Variants in FAM13B observed in about 807,000 individuals in gnomAD.
FAM13B encodes family with sequence similarity 13 member B, also known as protein FAM13B.
A neutral mutation model predicts 117.3 loss-of-function variants in FAM13B; 60 were observed. The ratio of observed to expected loss-of-function variants is 0.51; its 90% confidence interval spans 0.42 to 0.63. The LOEUF (loss-of-function observed/expected upper bound fraction) is 0.63, where lower values mean the gene tolerates loss of function less well. FAM13B is among the 30% of genes least tolerant of loss of function. FAM13B has a pLI of 0.00. For missense variants in FAM13B, 972 were observed against 1,091.9 expected, an observed-to-expected ratio of 0.89 and a Z score of 1.55; for synonymous variants, 332 against 356.1, an observed-to-expected ratio of 0.93 and a Z score of 0.76.
intron 18 of FAM13B, among the ~76,000 whole-genome samples, chr5:137,948,478 A>C (rs1764042831): frequency 6.6e-6 from 1 of 151,988 alleles, no homozygotes; most frequent in African/African-American, 2.4e-5. Flanking sequence ...CTGCAGTCCT[A>C]ATCTCCCGGG....
intron 10 of FAM13B, among the ~76,000 whole-genome samples, chr5:137,984,688 TAAC>T (rs1776707260): frequency 1.3e-5 from 2 of 152,206 alleles, no homozygotes. Flanking sequence ...GTCTTAAAAA[TAAC>T]AAAAGTCAAC....
intron 7 of FAM13B, among the ~76,000 whole-genome samples, chr5:138,000,865 G>C (rs1781050181): frequency 6.6e-6 from 1 of 150,998 alleles, no homozygotes; most frequent in African/African-American, 2.4e-5. Flanking sequence ...TGAAAGCAGA[G>C]GTTGCAGTGA....
intron 10 of FAM13B, among the ~76,000 whole-genome samples, chr5:137,965,209 G>A: frequency 6.6e-6 from 1 of 151,964 alleles, no homozygotes; most frequent in Non-Finnish European, 1.5e-5. Context: ...AATATCAGCA[G>A]GCAAAATAAC....
chr5:137,959,658 G>A lies in FAM13B; in HGVS notation c.1399C>T (p.His467Tyr), dbSNP rs575496727. 30 of 1,613,850 alleles carry A rather than the reference G, an allele frequency of 1.9e-5. No individual in the cohort carries two copies. The highest frequency in any genetic ancestry group is 2.5e-5 in the Non-Finnish European group (30 of 1,179,868). The change falls in exon 13 of 24, where the codon CAT becomes TAT. Residue 467 changes from histidine (H) to tyrosine (Y), a missense_variant. His to Tyr is a moderately conservative substitution (Grantham distance 83). Coordinates refer to ENST00000689681, the MANE Select transcript of FAM13B (RefSeq NM_001385994.1). Reference protein sequence around the residue: ...QGEAACVSIPHLDLKNVSDGD... With the variant: ...QGEAACVSIPYLDLKNVSDGD... ...TCAGAAACATTCTTCAGATCTAAAT[G>A]TGGAATACTGACACACGCTGCTTCC...
intron 1 of FAM13B, among the ~76,000 whole-genome samples, chr5:138,050,827 G>A (rs1791779955): frequency 6.6e-6 from 1 of 152,178 alleles, no homozygotes; most frequent in Non-Finnish European, 1.5e-5. Context: ...ATGATGTTGA[G>A]TCTAGACAAG....
intron 23 of FAM13B, among the ~76,000 whole-genome samples, chr5:137,941,090 G>A (rs1455003842): frequency 1.3e-5 from 2 of 151,742 alleles, no homozygotes; most frequent in Non-Finnish European, 1.5e-5. Context: ...TGTATTTTTC[G>A]GTAGAGACAG....
chr5:138,009,019 C>G (rs1165622940), intron 6 of FAM13B, among the ~76,000 whole-genome samples: 1 of 152,066 alleles, frequency 6.6e-6, no homozygotes, highest in Admixed American at 6.6e-5. Flanking sequence ...GGCATGTGCC[C>G]GTAATCCCAG....
intron 2 of FAM13B, 36 bp downstream of exon 2, chr5:138,020,993 TTA>T: frequency 8.2e-7 from 1 of 1,214,610 alleles, no homozygotes; most frequent in Non-Finnish European, 1.0e-6. Context: ...CTCTATGGAT[TTA>T]TAGAGCACGA....
chr5:138,035,431 G>A (rs189095240), upstream of FAM13B, among the ~76,000 whole-genome samples: 1 of 152,156 alleles, frequency 6.6e-6, no homozygotes, highest in African/African-American at 2.4e-5. Flanking sequence ...ATATTCTCTA[G>A]ATCCTACTTG....
intron 17 of FAM13B, among the ~76,000 whole-genome samples, chr5:137,950,337 A>G (rs1261021147): frequency 6.6e-6 from 1 of 152,196 alleles, no homozygotes; most frequent in Non-Finnish European, 1.5e-5. Flanking sequence ...GATTTAGTGG[A>G]AGGGCATCTG....
chr5:137,989,686 A>G (rs1778115740), intron 7 of FAM13B, among the ~76,000 whole-genome samples: 1 of 152,106 alleles, frequency 6.6e-6, no homozygotes, highest in South Asian at 2.1e-4. Context: ...TCAGCCAGGC[A>G]TGATGATGGT....
Position 137,939,536 on chromosome 5 carries a change from A to T in FAM13B, c.*689T>A, listed in dbSNP as rs1761051836. 1 of 156,558 alleles carries T rather than the reference A, an allele frequency of 6.4e-6. No homozygotes were observed. The highest frequency in any genetic ancestry group is 6.3e-5 in the Admixed American group (1 of 15,856). 9.7% of individuals were successfully genotyped at this position (156,558 alleles called of 1,614,324 possible). A position where few individuals can be genotyped will look rare whatever the true frequency, so the allele number is the denominator to read the frequency against. On this transcript the variant is annotated 3_prime_UTR_variant, in exon 24 of 24. Coordinates refer to ENST00000689681, the MANE Select transcript of FAM13B (RefSeq NM_001385994.1). ...GTGGTATGATTCAGTTCTGTGTGTG[A>T]TGTGTGGTGTGTGTTTTCAATATAC...
chr5:137,976,323 A>G (rs1410039467), intron 10 of FAM13B, among the ~76,000 whole-genome samples: 1 of 151,890 alleles, frequency 6.6e-6, no homozygotes, highest in Admixed American at 6.6e-5. Flanking sequence ...GCTTCTACCT[A>G]CTCACCTGAT....
intron 1 of FAM13B, among the ~76,000 whole-genome samples, chr5:138,031,146 A>C (rs1789883813): frequency 1.3e-5 from 2 of 152,208 alleles, no homozygotes; most frequent in Admixed American, 6.5e-5. Flanking sequence ...CTGATTATAA[A>C]AGCAGTTATT....
chr5:138,030,716 C>G lies in FAM13B; in HGVS notation c.-203+2066G>C, dbSNP rs181654467. 8.1e-4 allele frequency among the ~76,000 whole-genome samples: 115 copies of G among 141,664 alleles called. 2 individuals are homozygous for G. The highest frequency in any genetic ancestry group is 1.6e-3 in the Non-Finnish European group (103 of 64,890). The allele number at this position is 141,664 out of a possible 152,430, so 92.9% of individuals were successfully genotyped here. ...GCAACAAGAATGAAACTCCGTCCCC[C>G]CCCCCCAAAAAAAAAAATTGAACGT... is the stretch of plus-strand genomic sequence containing the variant. On this transcript the variant is annotated intron_variant, in intron 1 of 23. Coordinates refer to ENST00000689681, the MANE Select transcript of FAM13B (RefSeq NM_001385994.1).
intron 10 of FAM13B, among the ~76,000 whole-genome samples, chr5:137,982,968 T>G (rs1776185971): frequency 6.6e-6 from 1 of 151,982 alleles, no homozygotes; most frequent in East Asian, 1.9e-4. Flanking sequence ...CAATCTAAAG[T>G]TCCAAAACAG....
At chr5:137,946,999 T>C (rs1763618749) in intron 18 of FAM13B, among the ~76,000 whole-genome samples, 1 of 152,212 alleles carries the variant, frequency 6.6e-6, no homozygotes, top group Non-Finnish European at 1.5e-5. Context: ...CTTTTAGTAG[T>C]CTAATTAGCA....
chr5:138,026,958 TAAA>T, intron 1 of FAM13B, among the ~76,000 whole-genome samples: 1 of 147,942 alleles, frequency 6.8e-6, no homozygotes, highest in Non-Finnish European at 1.5e-5. Context: ...AATAAATAAA[TAAA>T]TAAATAAATA....
intron 10 of FAM13B, among the ~76,000 whole-genome samples, chr5:137,969,602 T>C (rs1369555602): frequency 1.3e-5 from 2 of 152,214 alleles, no homozygotes; most frequent in East Asian, 3.8e-4. Flanking sequence ...GGAACAAAGC[T>C]GGACGGAGAA....
Sources: gnomAD v4.1 joint callset for allele counts (sites outside exome capture counted in the v4.1 genomes callset) on GRCh38, gnomAD v4.1.1 for gene constraint, MANE v1.5 for transcripts, NCBI Gene and HGNC (gene_info 2026-07-23, HGNC 2026-07-21) for gene names.